The following RBFOX1 variants were observed in gnomAD, a reference collection of about 807,000 sequenced individuals.
RBFOX1 encodes the protein RNA binding fox-1 homolog 1.
A neutral mutation model predicts 57.7 loss-of-function variants in RBFOX1; 8 were observed. That is an observed-to-expected ratio of 0.14 (90% CI 0.08 to 0.25). The LOEUF (loss-of-function observed/expected upper bound fraction) is 0.25, where lower values mean the gene tolerates loss of function less well. Ranked by LOEUF, RBFOX1 falls within the 10% of genes least tolerant of loss-of-function variation. The pLI, the probability that RBFOX1 is intolerant of heterozygous loss-of-function variation, is 1.00. For missense variants in RBFOX1, 611 were observed against 548.5 expected, an observed-to-expected ratio of 1.11 and a Z score of -1.14; for synonymous variants, 326 against 222.4, an observed-to-expected ratio of 1.47 and a Z score of -4.15.
chr16:6,684,238 G>A (rs943543005), intron 3 of RBFOX1, among the ~76,000 whole-genome samples: 1 of 152,316 alleles, frequency 6.6e-6, no homozygotes, highest in Admixed American at 6.5e-5. Flanking sequence ...GGTTGCTGGT[G>A]TTAGAGGCTA....
chr16:6,308,517 G>C (rs944341991), intron 1 of RBFOX1, among the ~76,000 whole-genome samples: 5 of 152,192 alleles, frequency 3.3e-5, no homozygotes, highest in Non-Finnish European at 7.3e-5. Flanking sequence ...AGTTTGCTGA[G>C]TGACAGGGTT....
At chr16:6,515,118 A>G (rs2096348041) in intron 2 of RBFOX1, among the ~76,000 whole-genome samples, 1 of 152,228 alleles carries the variant, frequency 6.6e-6, no homozygotes, top group Admixed American at 6.5e-5. Context: ...GGTGTATATT[A>G]CAGGTTTACT....
intron 4 of RBFOX1, among the ~76,000 whole-genome samples, chr16:5,959,324 G>C (rs137959945): frequency 6.6e-6 from 1 of 152,112 alleles, no homozygotes; most frequent in African/African-American, 2.4e-5. Context: ...TTCTTCCTCA[G>C]CCTGAATCTC....
At chr16:6,251,000 G>A (rs1380763984) in intron 1 of RBFOX1, among the ~76,000 whole-genome samples, 1 of 152,062 alleles carries the variant, frequency 6.6e-6, no homozygotes, top group Non-Finnish European at 1.5e-5. Context: ...GGGGTGGGGA[G>A]TGTGAGATGG....
chr16:6,220,651 A>G (rs543029853), intron 1 of RBFOX1, among the ~76,000 whole-genome samples: 1 of 152,170 alleles, frequency 6.6e-6, no homozygotes, highest in Non-Finnish European at 1.5e-5. Flanking sequence ...AAGAGCTTCA[A>G]AATGGTTTGT....
At chr16:6,308,602 T>C (rs749525229) in intron 1 of RBFOX1, among the ~76,000 whole-genome samples, 1 of 152,158 alleles carries the variant, frequency 6.6e-6, no homozygotes, top group Non-Finnish European at 1.5e-5. Context: ...AAAATGTATG[T>C]TGTAAGTAAA....
At chr16:6,944,340 T>C (rs2079080893) in intron 3 of RBFOX1, among the ~76,000 whole-genome samples, 2 of 145,136 alleles carry the variant, frequency 1.4e-5, no homozygotes, top group East Asian at 2.1e-4. Context: ...GGTTGCAGTG[T>C]GCCAAGATTG....
At chr16:5,510,923 A>G (rs898935278) in intron 2 of RBFOX1, among the ~76,000 whole-genome samples, 2 of 152,182 alleles carry the variant, frequency 1.3e-5, no homozygotes, top group Non-Finnish European at 2.9e-5. Flanking sequence ...TACTGCTGTA[A>G]AGGGTTAGTA....
chr16:5,834,973 T>C (rs909269284), intron 3 of RBFOX1, among the ~76,000 whole-genome samples: 3 of 152,188 alleles, frequency 2.0e-5, no homozygotes, highest in African/African-American at 7.2e-5. Context: ...CAACAGTGCG[T>C]AAGTGTTCCC....
At chr16:7,100,530 C>T (rs2062498282) in intron 4 of RBFOX1, among the ~76,000 whole-genome samples, 10 of 146,950 alleles carry the variant, frequency 6.8e-5, no homozygotes, top group Admixed American at 5.4e-4. Flanking sequence ...TCTAGTGTTA[C>T]TGATGGTTTG....
chr16:6,250,658 C>T (rs752907943), intron 1 of RBFOX1, among the ~76,000 whole-genome samples: 2 of 152,164 alleles, frequency 1.3e-5, no homozygotes, highest in African/African-American at 2.4e-5. Flanking sequence ...GATTGGTTCT[C>T]TGCACCAGTC....
intron 3 of RBFOX1, among the ~76,000 whole-genome samples, chr16:6,745,361 C>A (rs12918308): frequency 6.8e-6 from 1 of 146,886 alleles, no homozygotes; most frequent in Non-Finnish European, 1.5e-5. Flanking sequence ...CCCCCGAAAC[C>A]ACAGACTAGT....
At chr16:5,867,835 C>T (rs2057379035) in intron 4 of RBFOX1, among the ~76,000 whole-genome samples, 2 of 152,130 alleles carry the variant, frequency 1.3e-5, no homozygotes. Context: ...CCTCGGCCTC[C>T]TGAGTGGCTG....
At chr16:6,139,400 T>C (rs1053018421) in intron 1 of RBFOX1, among the ~76,000 whole-genome samples, 1 of 152,178 alleles carries the variant, frequency 6.6e-6, no homozygotes, top group East Asian at 1.9e-4. Context: ...ACTTTCTCCA[T>C]GTGGGATGTT....
intron 1 of RBFOX1, among the ~76,000 whole-genome samples, chr16:6,157,091 T>A (rs1202477016): frequency 1.3e-5 from 2 of 152,010 alleles, no homozygotes; most frequent in Non-Finnish European, 2.9e-5. Flanking sequence ...CACCATGGCC[T>A]CCCAAAGCGC....
intron 3 of RBFOX1, among the ~76,000 whole-genome samples, chr16:6,658,863 A>G (rs1206470032): frequency 6.6e-6 from 1 of 151,426 alleles, no homozygotes; most frequent in African/African-American, 2.4e-5. Context: ...ATCCTAAGGG[A>G]TGGTGGAGTT....
chr16:6,885,496 T>C (rs140089294), intron 3 of RBFOX1, among the ~76,000 whole-genome samples: 384 of 152,296 alleles, frequency 2.5e-3, no homozygotes, highest in African/African-American at 8.6e-3. Flanking sequence ...AAGTCCAGGA[T>C]GGTGCATTAA....
intron 5 of RBFOX1, among the ~76,000 whole-genome samples, chr16:7,547,508 G>A (rs1295455889): frequency 6.6e-6 from 1 of 152,136 alleles, no homozygotes; most frequent in Non-Finnish European, 1.5e-5. Flanking sequence ...GCAAGCTAGG[G>A]TTACTTAAAA....
intron 5 of RBFOX1, among the ~76,000 whole-genome samples, chr16:7,558,361 GACAT>G (rs1601775922): frequency 2.0e-5 from 3 of 151,552 alleles, no homozygotes; most frequent in East Asian, 1.9e-4. Context: ...CTCAAAATAA[GACAT>G]ACATATATAT....
Sources: gnomAD v4.1 joint callset for allele counts (sites outside exome capture counted in the v4.1 genomes callset) on GRCh38, gnomAD v4.1.1 for gene constraint, MANE v1.5 for transcripts, NCBI Gene and HGNC (gene_info 2026-07-23, HGNC 2026-07-21) for gene names.